The following RPS6KC1 variants were observed in gnomAD, a reference collection of about 807,000 sequenced individuals.
RPS6KC1 encodes the protein ribosomal protein S6 kinase C1, also known as inactive ribosomal protein S6 kinase delta-1.
RPS6KC1 carries 54 observed loss-of-function variants against 103.8 expected under a neutral mutation model. That is an observed-to-expected ratio of 0.52 (90% CI 0.42 to 0.65). The LOEUF (loss-of-function observed/expected upper bound fraction) is 0.65, where lower values mean the gene tolerates loss of function less well. RPS6KC1 is among the 30% of genes least tolerant of loss of function. RPS6KC1 has a pLI of 0.00. For missense variants in RPS6KC1, 1,151 were observed against 1,253.8 expected (o/e 0.92, Z 1.24); for synonymous variants, 439 against 438.7 (o/e 1.00, Z -0.01).
chr1:213,201,802 C>T (rs2093172635), intron 8 of RPS6KC1, among the ~76,000 whole-genome samples: 1 of 152,150 alleles, frequency 6.6e-6, no homozygotes, highest in Admixed American at 6.6e-5. Flanking sequence ...TGGTGAAAGG[C>T]ATGTGGTACC....
At chr1:213,843,052 G>T in the RPS6KC1 span, among the ~76,000 whole-genome samples, 1 of 152,188 alleles carries the variant, frequency 6.6e-6, no homozygotes, top group Non-Finnish European at 1.5e-5. Context: ...AGTTGTTATT[G>T]CAGTCTTGAG....
intron 8 of RPS6KC1, among the ~76,000 whole-genome samples, chr1:213,204,960 G>T (rs1044268700): frequency 6.6e-6 from 1 of 151,922 alleles, no homozygotes; most frequent in African/African-American, 2.4e-5. Context: ...AATCAGTTTG[G>T]TTGTTTTAAA....
chr1:213,283,302 G>A, the RPS6KC1 span, among the ~76,000 whole-genome samples: 22 of 152,250 alleles, frequency 1.4e-4, no homozygotes, highest in African/African-American at 4.8e-4. Context: ...CAAAGATGGC[G>A]GTAGCATACT....
chr1:213,091,716 C>T (rs964115557), intron 3 of RPS6KC1, among the ~76,000 whole-genome samples: 1 of 152,146 alleles, frequency 6.6e-6, no homozygotes, highest in Admixed American at 6.5e-5. Flanking sequence ...GTCAAGCTTA[C>T]AGTGGTTTGA....
chr1:213,179,464 A>C lies in RPS6KC1; in HGVS notation c.1044+2972A>C, dbSNP rs1267879561. Among the ~76,000 whole-genome samples the C allele has an allele frequency of 2.0e-5, 3 of 152,048 alleles. No homozygotes were observed. The East Asian group carries it at 5.8e-4, about 29-fold the overall frequency. On this transcript the variant is annotated intron_variant, in intron 8 of 14. Coordinates refer to ENST00000366960, the MANE Select transcript of RPS6KC1 (RefSeq NM_012424.6). ...AGCAGGTACATTTTTTGAAAGTTGA[A>C]CTGTTTTTTAAAGATAAGTTACTTT...
the RPS6KC1 span, among the ~76,000 whole-genome samples, chr1:213,538,224 A>C: frequency 1.3e-5 from 2 of 152,174 alleles, no homozygotes; most frequent in Non-Finnish European, 2.9e-5. Flanking sequence ...GGAGGAAAGA[A>C]ATGTCAACCC....
chr1:213,198,257 C>T (rs891615942), intron 8 of RPS6KC1, among the ~76,000 whole-genome samples: 1 of 152,074 alleles, frequency 6.6e-6, no homozygotes, highest in Admixed American at 6.6e-5. Flanking sequence ...TTATTTTGTT[C>T]AACAATGCTA....
At chr1:213,299,636 ATAAAGT>A in the RPS6KC1 span, among the ~76,000 whole-genome samples, 1 of 151,904 alleles carries the variant, frequency 6.6e-6, no homozygotes, top group East Asian at 1.9e-4. Context: ...ATAAAAAGAA[ATAAAGT>A]TAATTTTAAT....
chr1:213,549,611 CCTTTTTT>C, the RPS6KC1 span, among the ~76,000 whole-genome samples: 1 of 105,590 alleles, frequency 9.5e-6, no homozygotes, highest in African/African-American at 3.3e-5. Flanking sequence ...TTTTTCTTTT[CCTTTTTT>C]TTTTTTTTTT....
chr1:213,501,487 C>T, the RPS6KC1 span, among the ~76,000 whole-genome samples: 2 of 151,968 alleles, frequency 1.3e-5, no homozygotes, highest in Non-Finnish European at 2.9e-5. Context: ...AGGCATAAAC[C>T]GTTTACTTTT....
chr1:213,751,747 A>G, the RPS6KC1 span, among the ~76,000 whole-genome samples: 1 of 152,246 alleles, frequency 6.6e-6, no homozygotes, highest in African/African-American at 2.4e-5. Context: ...TATAAAAGAT[A>G]TGAAGACTTT....
intron 8 of RPS6KC1, among the ~76,000 whole-genome samples, chr1:213,228,055 A>T (rs910999220): frequency 6.6e-6 from 1 of 152,190 alleles, no homozygotes; most frequent in Non-Finnish European, 1.5e-5. Flanking sequence ...AAGAGCTCGA[A>T]GTCTCACTGG....
chr1:213,053,617 A>G (rs916619929), intron 1 of RPS6KC1, among the ~76,000 whole-genome samples: 2 of 152,226 alleles, frequency 1.3e-5, no homozygotes, highest in African/African-American at 2.4e-5. Flanking sequence ...GGGAAGACAG[A>G]TTGCTTCTGG....
At chr1:213,514,299 A>G in the RPS6KC1 span, among the ~76,000 whole-genome samples, 1 of 152,102 alleles carries the variant, frequency 6.6e-6, no homozygotes, top group East Asian at 1.9e-4. Flanking sequence ...TTACATATGT[A>G]TACATGTGCC....
At chr1:213,191,520 G>A (rs2092744184) in intron 8 of RPS6KC1, among the ~76,000 whole-genome samples, 1 of 152,094 alleles carries the variant, frequency 6.6e-6, no homozygotes, top group Admixed American at 6.5e-5. Flanking sequence ...TTGTTTGTCA[G>A]TTGTAATAGT....
At chr1:213,388,561 G>T in the RPS6KC1 span, among the ~76,000 whole-genome samples, 1 of 152,234 alleles carries the variant, frequency 6.6e-6, no homozygotes. Context: ...AAAACCTGAG[G>T]GCTTTGGTGA....
chr1:213,136,777 C>T (rs1220770743), intron 6 of RPS6KC1, among the ~76,000 whole-genome samples: 1 of 152,178 alleles, frequency 6.6e-6, no homozygotes, highest in Non-Finnish European at 1.5e-5. Context: ...ATTTGGCCAG[C>T]ACCATAGAAG....
chr1:213,150,660 C>A (rs1440284680), intron 6 of RPS6KC1, among the ~76,000 whole-genome samples: 49 of 151,992 alleles, frequency 3.2e-4, no homozygotes, highest in Non-Finnish European at 7.4e-5. Flanking sequence ...GATCCCAAGG[C>A]AGAAGAATTT....
At chr1:213,781,045 C>A in the RPS6KC1 span, among the ~76,000 whole-genome samples, 130 of 152,102 alleles carry the variant, frequency 8.5e-4, no homozygotes, top group African/African-American at 2.9e-3. Flanking sequence ...AAACAACAAA[C>A]AAACAAAAAA....
Sources: gnomAD v4.1 joint callset for allele counts (sites outside exome capture counted in the v4.1 genomes callset) on GRCh38, gnomAD v4.1.1 for gene constraint, MANE v1.5 for transcripts, NCBI Gene and HGNC (gene_info 2026-07-23, HGNC 2026-07-21) for gene names.